The following ANKRD27 variants were observed in gnomAD, a reference collection of about 807,000 sequenced individuals.
The protein encoded by ANKRD27 is ankyrin repeat domain-containing protein 27.
A neutral mutation model predicts 129.7 loss-of-function variants in ANKRD27; 112 were observed. That is an observed-to-expected ratio of 0.86 (90% confidence interval 0.74 to 1.01). The LOEUF is 1.01. Among genes scored for constraint, ANKRD27 ranks in the 50% least tolerant of loss-of-function variants. The probability of loss-of-function intolerance (pLI) is 0.00; values close to 1 mark genes in which losing one functional copy is unlikely to be tolerated. For synonymous variants in ANKRD27, 516 were observed against 511.2 expected (o/e 1.01, Z -0.13); for missense variants, 1,258 against 1,300.5 (o/e 0.97, Z 0.50).
chr19:32,618,372 G>A (rs920944136), intron 20 of ANKRD27, among the ~76,000 whole-genome samples: 16 of 127,896 alleles, frequency 1.3e-4, no homozygotes, highest in East Asian at 6.2e-4. Context: ...GCAATCCCCA[G>A]GAGTTTGAGG....
At chr19:32,610,183 G>A (rs1971813185) in intron 22 of ANKRD27, among the ~76,000 whole-genome samples, 1 of 152,154 alleles carries the variant, frequency 6.6e-6, no homozygotes, top group Non-Finnish European at 1.5e-5. Context: ...GGTGGCGCAT[G>A]CCTGTAGTCC....
chr19:32,618,521 G>C (rs1971957915), intron 20 of ANKRD27, among the ~76,000 whole-genome samples: 1 of 151,836 alleles, frequency 6.6e-6, no homozygotes, highest in South Asian at 2.1e-4. Flanking sequence ...ACACCATGAG[G>C]GTGGACACCC....
At chr19:32,609,563 G>A (rs990298399) in intron 22 of ANKRD27, among the ~76,000 whole-genome samples, 6 of 151,366 alleles carry the variant, frequency 4.0e-5, no homozygotes, top group South Asian at 4.2e-4. Context: ...AGGGACATGC[G>A]TTAGAATTCC....
At chr19:32,627,396 TTATTTATTTATTTA>T (rs1430046538) in intron 15 of ANKRD27, among the ~76,000 whole-genome samples, 13,257 of 66,112 alleles carry the variant, frequency 0.2, 1,480 homozygotes, top group African/African-American at 0.28. Context: ...ATTTATTTAT[TTATTTATTTATTTA>T]TTTTTTGAGA....
intron 2 of ANKRD27, among the ~76,000 whole-genome samples, chr19:32,658,091 T>G (rs1375313005): frequency 7.2e-5 from 11 of 152,106 alleles, no homozygotes; most frequent in Admixed American, 7.2e-4. Flanking sequence ...GTTCAAACCC[T>G]CAGGCACCTC....
intron 1 of ANKRD27, among the ~76,000 whole-genome samples, chr19:32,661,471 G>A (rs954901930): frequency 6.6e-6 from 1 of 151,966 alleles, no homozygotes; most frequent in African/African-American, 2.4e-5. Context: ...AGAGCAGCTG[G>A]GACTGCAGGC....
chr19:32,651,370 C>T (rs1967412936), intron 2 of ANKRD27, among the ~76,000 whole-genome samples: 1 of 151,978 alleles, frequency 6.6e-6, no homozygotes, highest in Non-Finnish European at 1.5e-5. Context: ...CTCTGGGAAG[C>T]AGGAACTTCT....
At chr19:32,616,984 C>T (rs1382243963) in intron 21 of ANKRD27, among the ~76,000 whole-genome samples, 1 of 152,178 alleles carries the variant, frequency 6.6e-6, no homozygotes, top group Non-Finnish European at 1.5e-5. Flanking sequence ...ACACTCTGTG[C>T]CTCGGACATG....
intron 26 of ANKRD27, 38 bp from the exon 27 acceptor site, chr19:32,600,088 A>C (rs765952352): frequency 7.1e-7 from 1 of 1,401,620 alleles, no homozygotes; most frequent in South Asian, 1.2e-5. Context: ...AACTTCAAAA[A>C]CAGTTGTAAA....
At chr19:32,607,492 C>A in intron 23 of ANKRD27, 143 bp downstream of exon 23, 1 of 1,004,602 alleles carries the variant, frequency 1.0e-6, no homozygotes, top group South Asian at 1.5e-5. Flanking sequence ...GAGTGGCCTA[C>A]CGTGTGCACC....
At chr19:32,663,389 G>A (rs1342735642) in intron 1 of ANKRD27, among the ~76,000 whole-genome samples, 1 of 152,214 alleles carries the variant, frequency 6.6e-6, no homozygotes. Context: ...ACACAGCAAA[G>A]GCTACCTGAA....
At chr19:32,665,708 C>T (rs1967740581) in intron 1 of ANKRD27, among the ~76,000 whole-genome samples, 2 of 151,936 alleles carry the variant, frequency 1.3e-5, no homozygotes, top group Admixed American at 1.3e-4. Context: ...ATCCGCCCGC[C>T]TTGGCCTCAC....
intron 17 of ANKRD27, among the ~76,000 whole-genome samples, chr19:32,624,430 T>C (rs1299788311): frequency 1.3e-5 from 2 of 150,074 alleles, no homozygotes; most frequent in African/African-American, 2.5e-5. Context: ...CTCTGTAACG[T>C]AGAGCTAAGT....
At chr19:32,639,589 T>C (rs2145297003) in intron 11 of ANKRD27, 101 bp from the exon 12 acceptor site, 5 of 1,337,344 alleles carry the variant, frequency 3.7e-6, no homozygotes, top group Admixed American at 3.7e-5. Context: ...ATCTAGTCAG[T>C]TGGTTCGCTC....
rs1184964389 is a variant in ANKRD27, at chr19:32,656,095, GAAAGAAAGAAAGA to G, written c.102+2806_102+2818del. Among the ~76,000 whole-genome samples the G allele has an allele frequency of 3.2e-3, 375 of 116,492 alleles. 5 individuals carry two copies. Among genetic ancestry groups the G allele is most frequent in the African/African-American group, 0.013 (343 of 26,838 alleles). The allele number at this position is 116,492 out of a possible 152,430, so 76.4% of individuals were successfully genotyped here. ...AGAAAGAAAGAAAGAAAGAAAGAAA[GAAAGAAAGAAAGA>G]AAAGAAAAGAAAAGAAAAGAAAAGA... On this transcript the variant is annotated intron_variant, in intron 2 of 28. Coordinates refer to ENST00000306065, the MANE Select transcript of ANKRD27 (RefSeq NM_032139.3).
rs78593754 is a variant in ANKRD27 at position 32,630,699 on chromosome 19, T to G, written c.1209+703A>C. On this transcript the variant is annotated intron_variant, in intron 13 of 28. Transcript: ENST00000306065. ...AGGCTGGAGTGCAACGGCACAATCA[T>G]AGCTCACGGCAGCCTCCAACTCCTG... Among the ~76,000 whole-genome samples the G allele has an allele frequency of 0.017, 2,618 of 152,272 alleles. 136 individuals carry two copies. The East Asian group carries it at 0.21, about 12-fold the overall frequency.
At chr19:32,666,655 T>G (rs1229051104) in intron 1 of ANKRD27, among the ~76,000 whole-genome samples, 1 of 148,588 alleles carries the variant, frequency 6.7e-6, no homozygotes, top group African/African-American at 2.5e-5. Context: ...TTTTTTTTTT[T>G]TTTTTTTGAG....
intron 1 of ANKRD27, chr19:32,673,161 T>A: frequency 2.8e-6 from 1 of 352,510 alleles, no homozygotes; most frequent in Non-Finnish European, 4.0e-6. Context: ...TGCAGACACC[T>A]CTGCCTGCCC....
chr19:32,664,650 TAATAATAATAAA>T (rs1158279514), intron 1 of ANKRD27, among the ~76,000 whole-genome samples: 2 of 137,152 alleles, frequency 1.5e-5, no homozygotes, highest in South Asian at 2.1e-4. Flanking sequence ...ATAATAATAA[TAATAATAATAAA>T]AAGTTCTTCA....
Sources: allele counts gnomAD v4.1 joint callset (sites outside exome capture counted in the v4.1 genomes callset), GRCh38; gene constraint gnomAD v4.1.1; transcripts MANE v1.5; gene names NCBI Gene and HGNC (gene_info 2026-07-23, HGNC 2026-07-21).